The following FOXP2 variants were observed in gnomAD, a reference collection of about 807,000 sequenced individuals.
The protein encoded by FOXP2 is forkhead box P2, also known as forkhead box protein P2.
Under a neutral mutation model 115.8 loss-of-function variants are expected in FOXP2, and 12 were observed. The ratio of observed to expected loss-of-function variants is 0.10; its 90% confidence interval spans 0.07 to 0.17. The LOEUF is 0.17. Ranked by LOEUF, FOXP2 falls within the 10% of genes least tolerant of loss-of-function variation. FOXP2 has a pLI of 1.00. For synonymous variants in FOXP2, 328 were observed against 297.7 expected (o/e 1.10, Z -1.05); for missense variants, 629 against 843.5 (o/e 0.75, Z 3.15).
At chr7:114,128,841 T>C (rs1362244639) in intron 1 of FOXP2, among the ~76,000 whole-genome samples, 2 of 152,176 alleles carry the variant, frequency 1.3e-5, no homozygotes, top group African/African-American at 4.8e-5. Flanking sequence ...CCAGAATTTT[T>C]AAACAACCAA....
intron 1 of FOXP2, among the ~76,000 whole-genome samples, chr7:114,152,480 G>A (rs1792552652): frequency 6.6e-6 from 1 of 152,128 alleles, no homozygotes; most frequent in Non-Finnish European, 1.5e-5. Context: ...TCTTTTACAT[G>A]CTTTAGGTCA....
chr7:114,287,058 T>A (rs781049405), intron 1 of FOXP2, among the ~76,000 whole-genome samples: 15 of 151,986 alleles, frequency 9.9e-5, no homozygotes, highest in South Asian at 4.1e-4. Flanking sequence ...CTGTGGCAGA[T>A]TCAGATTTAC....
intron 1 of FOXP2, among the ~76,000 whole-genome samples, chr7:114,182,356 G>A (rs1035218723): frequency 6.6e-6 from 1 of 151,802 alleles, no homozygotes; most frequent in African/African-American, 2.4e-5. Context: ...AAAGTACTCA[G>A]GTATGCACGA....
chr7:114,185,595 A>T (rs184357927), intron 1 of FOXP2, among the ~76,000 whole-genome samples: 6 of 152,304 alleles, frequency 3.9e-5, no homozygotes, highest in African/African-American at 1.4e-4. Context: ...ATGTTCAGAA[A>T]TTCAGACTTA....
intron 16 of FOXP2, among the ~76,000 whole-genome samples, chr7:114,687,243 T>C (rs746023787): frequency 6.6e-6 from 1 of 152,158 alleles, no homozygotes; most frequent in African/African-American, 2.4e-5. Context: ...GCATAGCTAA[T>C]ATGGTTTGTG....
rs181696830 is a variant in FOXP2, at chr7:114,233,875, T to A, written c.-101-54144T>A. On this transcript the variant is annotated intron_variant, in intron 1 of 17. Coordinates refer to the FOXP2 transcript ENST00000634411. ...TAAAAGTACAAAAATTAACCGTGAA[T>A]GGTGGTGCACACCTGTAATCCTAGC... Among the ~76,000 whole-genome samples, 490 of 152,268 alleles carry A rather than the reference T, an allele frequency of 3.2e-3. 2 individuals are homozygous for A. The highest frequency in any genetic ancestry group is 4.9e-3 in the Non-Finnish European group (335 of 68,014).
At chr7:114,132,541 TTGTGTGTGTGTG>T (rs145500210) in intron 1 of FOXP2, among the ~76,000 whole-genome samples, 38 of 90,660 alleles carry the variant, frequency 4.2e-4, no homozygotes, top group African/African-American at 1.6e-3. Context: ...AAAAGATAAA[TTGTGTGTGTGTG>T]TGTGTGTGTG....
intron 2 of FOXP2, among the ~76,000 whole-genome samples, chr7:114,348,425 C>T (rs1562881291): frequency 2.0e-5 from 3 of 151,952 alleles, no homozygotes; most frequent in East Asian, 3.9e-4. Flanking sequence ...TTGTTGTCTA[C>T]TTTGTTCAAA....
intron 1 of FOXP2, among the ~76,000 whole-genome samples, chr7:114,215,799 C>T (rs989597605): frequency 7.9e-5 from 12 of 152,114 alleles, no homozygotes; most frequent in African/African-American, 7.2e-5. Context: ...CCCACTTTAT[C>T]AGACCACTCT....
At chr7:114,168,226 A>G (rs1793035087) in intron 1 of FOXP2, among the ~76,000 whole-genome samples, 1 of 152,208 alleles carries the variant, frequency 6.6e-6, no homozygotes, top group South Asian at 2.1e-4. Context: ...GGAACTGGGT[A>G]ACAGGCAGAG....
At chr7:114,493,057 G>C (rs190810457) in intron 2 of FOXP2, among the ~76,000 whole-genome samples, 2 of 152,230 alleles carry the variant, frequency 1.3e-5, no homozygotes, top group Non-Finnish European at 2.9e-5. Context: ...TCACTTTGTA[G>C]GTCTCTAAGG....
chr7:114,145,429 A>ATTTTTTCTTTTT (rs67153347), intron 1 of FOXP2, among the ~76,000 whole-genome samples: 1 of 104,116 alleles, frequency 9.6e-6, no homozygotes, highest in Non-Finnish European at 2.0e-5. Flanking sequence ...TAGCTTTGCC[A>ATTTTTTCTTTTT]TTTTTTCTTT....
intron 2 of FOXP2, among the ~76,000 whole-genome samples, chr7:114,379,926 A>G (rs1194503408): frequency 1.3e-5 from 2 of 152,128 alleles, no homozygotes. Flanking sequence ...TTCGGTGGCT[A>G]GCCATCTGAA....
At chr7:114,433,137 C>T (rs185864175) in intron 2 of FOXP2, among the ~76,000 whole-genome samples, 48 of 152,010 alleles carry the variant, frequency 3.2e-4, no homozygotes, top group African/African-American at 1.1e-3. Flanking sequence ...TATAATACAA[C>T]AGGTAAAAGA....
chr7:114,521,354 G>A (rs1271943667), intron 2 of FOXP2, among the ~76,000 whole-genome samples: 2 of 151,702 alleles, frequency 1.3e-5, no homozygotes, highest in East Asian at 3.9e-4. Context: ...ATTAGAGTGA[G>A]ACCCCAACTC....
At chr7:114,622,183 A>G (rs2129323932) in intron 3 of FOXP2, among the ~76,000 whole-genome samples, 1 of 152,084 alleles carries the variant, frequency 6.6e-6, no homozygotes, top group East Asian at 1.9e-4. Flanking sequence ...GCAGATGTTT[A>G]TGGTGAGACT....
intron 16 of FOXP2, among the ~76,000 whole-genome samples, chr7:114,685,470 T>G (rs1040678233): frequency 6.6e-6 from 1 of 152,336 alleles, no homozygotes; most frequent in African/African-American, 2.4e-5. Flanking sequence ...AACTTCAGTT[T>G]CGTTAACTAT....
chr7:114,321,175 CTTTATTTATTTATTTA>C (rs60714472), intron 2 of FOXP2, among the ~76,000 whole-genome samples: 41 of 140,870 alleles, frequency 2.9e-4, no homozygotes, highest in Non-Finnish European at 3.7e-4. Flanking sequence ...TATCTAGTAA[CTTTATTTATTTATTTA>C]TTTATTTATT....
At chr7:114,402,169 A>G (rs938763835) in intron 2 of FOXP2, among the ~76,000 whole-genome samples, 1 of 152,144 alleles carries the variant, frequency 6.6e-6, no homozygotes, top group Non-Finnish European at 1.5e-5. Context: ...AGATAAAATT[A>G]AGAGAGAAAA....
Sources: gnomAD v4.1 joint callset for allele counts (sites outside exome capture counted in the v4.1 genomes callset) on GRCh38, gnomAD v4.1.1 for gene constraint, MANE v1.5 for transcripts, NCBI Gene and HGNC (gene_info 2026-07-23, HGNC 2026-07-21) for gene names.